R3HDM2: variants seen among roughly 807,000 people sequenced by gnomAD.
R3HDM2 encodes the protein R3H domain-containing protein 2.
A neutral mutation model predicts 124.5 loss-of-function variants in R3HDM2; 38 were observed. That is an observed-to-expected ratio of 0.31 (90% confidence interval 0.24 to 0.40). The LOEUF is 0.40. R3HDM2 is among the 10% of genes least tolerant of loss of function. R3HDM2 has a pLI of 1.00. For missense variants in R3HDM2, 869 were observed against 1,236.9 expected, an observed-to-expected ratio of 0.70 and a Z score of 4.46; for synonymous variants, 391 against 448.0, an observed-to-expected ratio of 0.87 and a Z score of 1.61.
chr12:57,418,871 T>C (rs932082976), intron 1 of R3HDM2, among the ~76,000 whole-genome samples: 9 of 152,166 alleles, frequency 5.9e-5, no homozygotes, highest in Admixed American at 4.6e-4. Flanking sequence ...CCTCAGTATC[T>C]CTTATATAGA....
intron 2 of R3HDM2, among the ~76,000 whole-genome samples, chr12:57,326,210 T>C (rs545534447): frequency 3.3e-5 from 5 of 152,304 alleles, no homozygotes; most frequent in African/African-American, 1.2e-4. Flanking sequence ...ATTAGGCCAA[T>C]TAATAACTCT....
intron 2 of R3HDM2, among the ~76,000 whole-genome samples, chr12:57,378,313 A>G (rs912794756): frequency 6.6e-6 from 1 of 152,126 alleles, no homozygotes; most frequent in African/African-American, 2.4e-5. Context: ...TATAATCAAG[A>G]GAGCTGTTTG....
chr12:57,345,053 C>G (rs2059952519), intron 2 of R3HDM2, among the ~76,000 whole-genome samples: 1 of 152,078 alleles, frequency 6.6e-6, no homozygotes, highest in Admixed American at 6.6e-5. Flanking sequence ...AGGCTGGTAT[C>G]AAACTCCCGA....
chr12:57,339,707 AAAAG>A (rs1207380301), intron 2 of R3HDM2, among the ~76,000 whole-genome samples: 1 of 152,032 alleles, frequency 6.6e-6, no homozygotes. Flanking sequence ...AAAAAAAAAA[AAAAG>A]AGAGAGAGAG....
intron 2 of R3HDM2, among the ~76,000 whole-genome samples, chr12:57,321,661 A>G (rs1452735798): frequency 6.6e-6 from 1 of 152,060 alleles, no homozygotes; most frequent in Non-Finnish European, 1.5e-5. Flanking sequence ...TGGAAAATAA[A>G]ACAAAACAAA....
chr12:57,403,720 G>C (rs1223567566), intron 1 of R3HDM2, among the ~76,000 whole-genome samples: 1 of 151,798 alleles, frequency 6.6e-6, no homozygotes, highest in East Asian at 1.9e-4. Context: ...GCTGAGGTGG[G>C]AGGAGGGAGG....
At chr12:57,400,389 C>A (rs1415432201) in intron 1 of R3HDM2, among the ~76,000 whole-genome samples, 1 of 149,544 alleles carries the variant, frequency 6.7e-6, no homozygotes, top group Admixed American at 6.7e-5. Flanking sequence ...ACAATGAGAA[C>A]ACTTGGACAC....
chr12:57,378,031 G>A (rs754688863), intron 2 of R3HDM2, among the ~76,000 whole-genome samples: 16 of 152,096 alleles, frequency 1.1e-4, no homozygotes, highest in Admixed American at 3.9e-4. Context: ...CCCAGGAGGC[G>A]GAGGTTAAAG....
chr12:57,404,761 T>C (rs560362161), intron 1 of R3HDM2, among the ~76,000 whole-genome samples: 1 of 152,218 alleles, frequency 6.6e-6, no homozygotes, highest in Non-Finnish European at 1.5e-5. Flanking sequence ...GGCTCACACC[T>C]GTAATCCCCA....
chr12:57,393,863 C>G (rs1287851450), intron 2 of R3HDM2, among the ~76,000 whole-genome samples: 1 of 152,166 alleles, frequency 6.6e-6, no homozygotes. Context: ...TATTTTTCAT[C>G]AGAAACCATG....
At chr12:57,360,752 G>A (rs1472389099) in intron 2 of R3HDM2, among the ~76,000 whole-genome samples, 2 of 152,150 alleles carry the variant, frequency 1.3e-5, no homozygotes, top group Non-Finnish European at 2.9e-5. Context: ...ATGGATGCAG[G>A]ATTGCTTTAA....
chr12:57,269,135 A>C (rs993276757), intron 16 of R3HDM2, 53 bp from the exon 17 acceptor site: 30 of 1,596,076 alleles, frequency 1.9e-5, no homozygotes, highest in African/African-American at 2.7e-5. Flanking sequence ...AGGAGGTCAC[A>C]CTCTATCTGT....
Position 57,255,079 on chromosome 12 carries a change from A to T in R3HDM2, c.2667T>A (p.Pro889=). 6.2e-7 allele frequency: 1 copy of T among 1,605,514 alleles called. No homozygotes were observed. The highest frequency in any genetic ancestry group is 8.5e-7 in the Non-Finnish European group (1 of 1,175,236). ...CCGCCTCAGTACGGGTGATGCCCTC[A>T]GGGAGATCTGTCACCTCCAGCACCC... ...LGRVLEVTDL[P]EGITRTEADK... is the part of the protein sequence containing the mutation. Residue 889 remains proline (P), a synonymous_variant, in exon 24 of 24, where the codon CCT becomes CCA. Transcript: ENST00000402412.
chr12:57,268,349 G>T lies in R3HDM2; in HGVS notation c.1984C>A (p.Pro662Thr). ...VQGGLPAAGV[P>T]VYYSMIPPAQ... Reference sequence around the variant, plus strand: ...GGTGGGATCATGCTATAGTACACTGGTACCCCCGCTGCTGGGAGGCCTCCT... The same window carrying T: ...GGTGGGATCATGCTATAGTACACTGTTACCCCCGCTGCTGGGAGGCCTCCT... The change falls in exon 18 of 24, where the codon CCA becomes ACA. Residue 662 changes from proline (P) to threonine (T), a missense_variant. By Grantham distance (38) the Pro-to-Thr change is conservative. Around this residue, in one of 2 missense-constraint regions of R3HDM2, gnomAD observed 602 missense variants for 789.2 expected, o/e 0.76. Coordinates refer to ENST00000402412, the MANE Select transcript of R3HDM2 (RefSeq NM_001394031.1). 1 of 1,614,046 alleles carries T rather than the reference G, an allele frequency of 6.2e-7. No individual in the cohort carries two copies. The highest frequency in any genetic ancestry group is 8.5e-7 in the Non-Finnish European group (1 of 1,179,992).
At chr12:57,389,250 T>C (rs2066322480) in intron 2 of R3HDM2, among the ~76,000 whole-genome samples, 1 of 152,198 alleles carries the variant, frequency 6.6e-6, no homozygotes, top group African/African-American at 2.4e-5. Context: ...CAAAGCACCA[T>C]GATAGGCAAT....
chr12:57,407,604 A>C (rs2068643519), intron 1 of R3HDM2, among the ~76,000 whole-genome samples: 1 of 151,506 alleles, frequency 6.6e-6, no homozygotes, highest in Non-Finnish European at 1.5e-5. Flanking sequence ...ATGGGGTTTC[A>C]CCGTCTTGGC....
At chr12:57,372,884 T>G (rs2063544038) in intron 2 of R3HDM2, among the ~76,000 whole-genome samples, 1 of 152,182 alleles carries the variant, frequency 6.6e-6, no homozygotes, top group Admixed American at 6.5e-5. Flanking sequence ...ACAAAATCCA[T>G]GATTATGGTC....
Position 57,269,760 on chromosome 12 carries a change from G to T in R3HDM2, c.1579C>A (p.Pro527Thr), listed in dbSNP as rs2043190875. The change falls in exon 15 of 24, where the codon CCT becomes ACT. Residue 527 changes from proline (P) to threonine (T), a missense_variant. By Grantham distance (38) the Pro-to-Thr change is conservative. Around this residue, in one of 2 missense-constraint regions of R3HDM2, gnomAD observed 602 missense variants for 789.2 expected, o/e 0.76. Transcript: ENST00000402412. ...GAACTGGAGCTGCTCACCTGTTGAG[G>T]GGGCTGCATGTACCCCTGGGGTGGC... is the stretch of plus-strand genomic sequence containing the variant. ...VLPPQGYMQP[P>T]QQIQVSYYPP... The T allele has an allele frequency of 1.9e-6, 3 of 1,614,056 alleles. No homozygotes were observed. The highest frequency in any genetic ancestry group is 1.3e-5 in the African/African-American group (1 of 74,900).
intron 3 of R3HDM2, among the ~76,000 whole-genome samples, chr12:57,306,634 C>T (rs1407378624): frequency 2.6e-5 from 4 of 152,074 alleles, no homozygotes; most frequent in South Asian, 2.1e-4. Flanking sequence ...TGGGCTCAAT[C>T]TCTTGATCTC....
Sources: allele counts gnomAD v4.1 joint callset (sites outside exome capture counted in the v4.1 genomes callset), GRCh38; gene constraint gnomAD v4.1.1; regional missense constraint gnomAD v4.1.1; transcripts MANE v1.5; gene names NCBI Gene and HGNC (gene_info 2026-07-23, HGNC 2026-07-21).